Variants in FOXP2 observed in about 807,000 individuals in gnomAD.
FOXP2 encodes forkhead box protein P2.
In FOXP2, 12 loss-of-function variants were observed where a neutral mutation model predicts 115.8. The observed-to-expected ratio is 0.10, with a 90% CI of 0.07 to 0.17. The LOEUF is 0.17. FOXP2 is among the 10% of genes least tolerant of loss of function. The probability of loss-of-function intolerance (pLI) is 1.00; values close to 1 mark genes in which losing one functional copy is unlikely to be tolerated. For missense variants in FOXP2, 629 were observed against 843.5 expected (o/e 0.75, Z 3.15); for synonymous variants, 328 against 297.7 (o/e 1.10, Z -1.05).
At chr7:114,650,028 G>T (rs888214972) in intron 8 of FOXP2, among the ~76,000 whole-genome samples, 1 of 152,178 alleles carries the variant, frequency 6.6e-6, no homozygotes, top group East Asian at 1.9e-4. Flanking sequence ...TAATGGCAAG[G>T]TTCTTTTGTG....
intron 3 of FOXP2, among the ~76,000 whole-genome samples, chr7:114,574,864 T>C (rs770137710): frequency 1.3e-4 from 20 of 151,862 alleles, no homozygotes; most frequent in Non-Finnish European, 2.7e-4. Context: ...AATCTGAAAA[T>C]GAAACTTGCC....
At chr7:114,657,797 T>C (rs1305475647) in intron 10 of FOXP2, among the ~76,000 whole-genome samples, 3 of 152,318 alleles carry the variant, frequency 2.0e-5, no homozygotes, top group African/African-American at 2.4e-5. Flanking sequence ...TTTAAGGAAA[T>C]AGACTTTCGC....
chr7:114,444,881 C>G (rs898354017), intron 2 of FOXP2, among the ~76,000 whole-genome samples: 4 of 151,404 alleles, frequency 2.6e-5, no homozygotes, highest in Non-Finnish European at 5.9e-5. Flanking sequence ...TCTGGGTAAC[C>G]AAGCTAGGGG....
chr7:114,148,371 C>G (rs866564823), intron 1 of FOXP2, among the ~76,000 whole-genome samples: 2 of 152,038 alleles, frequency 1.3e-5, no homozygotes, highest in South Asian at 4.1e-4. Context: ...TCCTTAATTT[C>G]TGTAATACTC....
intron 3 of FOXP2, among the ~76,000 whole-genome samples, chr7:114,590,709 G>C (rs1373922633): frequency 3.9e-5 from 6 of 152,102 alleles, no homozygotes; most frequent in Non-Finnish European, 8.8e-5. Context: ...TATATTGTAA[G>C]GGCTAGTATT....
intron 1 of FOXP2, among the ~76,000 whole-genome samples, chr7:114,207,852 A>C (rs1415103601): frequency 6.6e-6 from 1 of 152,192 alleles, no homozygotes; most frequent in Non-Finnish European, 1.5e-5. Flanking sequence ...GCTTTATTTG[A>C]ATGCCATGAT....
intron 1 of FOXP2, among the ~76,000 whole-genome samples, chr7:114,248,529 T>C (rs561509126): frequency 1.3e-5 from 2 of 152,362 alleles, no homozygotes; most frequent in Admixed American, 1.3e-4. Flanking sequence ...AAAATTTGAC[T>C]TGTGCCATTT....
chr7:114,624,527 G>A (rs1206659741), intron 3 of FOXP2, among the ~76,000 whole-genome samples: 1 of 151,878 alleles, frequency 6.6e-6, no homozygotes, highest in African/African-American at 2.4e-5. Context: ...TAATTGGGAT[G>A]TTTAATTAAG....
chr7:114,236,357 A>G (rs953538441), intron 1 of FOXP2, among the ~76,000 whole-genome samples: 1 of 152,214 alleles, frequency 6.6e-6, no homozygotes, highest in Admixed American at 6.5e-5. Flanking sequence ...ATATTCATTT[A>G]TAATAGTGGA....
chr7:114,263,422 C>CCCTTTCCTTT (rs545404007), intron 1 of FOXP2, among the ~76,000 whole-genome samples: 144 of 147,050 alleles, frequency 9.8e-4, no homozygotes, highest in African/African-American at 3.4e-3. Flanking sequence ...TTTTCCCTTT[C>CCCTTTCCTTT]CCTTTCCTTT....
chr7:114,201,408 G>A lies in FOXP2; in HGVS notation c.-102+38320G>A, dbSNP rs1401741919. On this transcript the variant is annotated intron_variant, in intron 1 of 17. Coordinates refer to the FOXP2 transcript ENST00000634411. ...GCCCAGAAGTTGGAGGCTTCAGTGAGCTATGTTCATTCCACAACATCCCTG... is the reference window on the plus strand; with the variant it reads ...GCCCAGAAGTTGGAGGCTTCAGTGAACTATGTTCATTCCACAACATCCCTG... Among the ~76,000 whole-genome samples the A allele has an allele frequency of 2.6e-5, 4 of 152,090 alleles. No individual in the cohort carries two copies. In the East Asian group the frequency reaches 7.7e-4, roughly 29 times the overall value.
chr7:114,221,534 A>G (rs1400171187), intron 1 of FOXP2, among the ~76,000 whole-genome samples: 2 of 152,112 alleles, frequency 1.3e-5, no homozygotes, highest in Non-Finnish European at 2.9e-5. Flanking sequence ...TTCCATGTGT[A>G]TCTTCCTATT....
intron 1 of FOXP2, among the ~76,000 whole-genome samples, chr7:114,190,299 A>G (rs921525900): frequency 6.6e-6 from 1 of 152,120 alleles, no homozygotes; most frequent in Non-Finnish European, 1.5e-5. Context: ...AAGGAAGATG[A>G]CCTTCACCGT....
chr7:114,098,316 T>C (rs1799697249), intron 1 of FOXP2, among the ~76,000 whole-genome samples: 1 of 152,204 alleles, frequency 6.6e-6, no homozygotes, highest in Admixed American at 6.5e-5. Context: ...TCACATTTCC[T>C]GATTTAAAAT....
chr7:114,421,265 T>G (rs1271367979), intron 1 of FOXP2, among the ~76,000 whole-genome samples: 4 of 151,634 alleles, frequency 2.6e-5, no homozygotes, highest in Non-Finnish European at 4.4e-5. Flanking sequence ...TTATTTTTTA[T>G]CCAGGAGCAA....
chr7:114,554,772 T>G (rs1466323924), intron 3 of FOXP2, among the ~76,000 whole-genome samples: 1 of 152,230 alleles, frequency 6.6e-6, no homozygotes, highest in Non-Finnish European at 1.5e-5. Context: ...AATACTAATT[T>G]TTTTTCATAG....
intron 2 of FOXP2, among the ~76,000 whole-genome samples, chr7:114,320,878 G>C (rs1337257301): frequency 2.0e-5 from 3 of 152,188 alleles, no homozygotes; most frequent in Non-Finnish European, 1.5e-5. Context: ...AAAGGAGGAA[G>C]GGCAAGCCCT....
chr7:114,530,174 T>G (rs1427381646), intron 2 of FOXP2, among the ~76,000 whole-genome samples: 6 of 151,862 alleles, frequency 4.0e-5, no homozygotes, highest in African/African-American at 1.4e-4. Context: ...AATCGTTTCT[T>G]GTATCATATT....
intron 16 of FOXP2, among the ~76,000 whole-genome samples, chr7:114,677,300 G>C (rs1236502035): frequency 6.6e-6 from 1 of 152,066 alleles, no homozygotes; most frequent in Non-Finnish European, 1.5e-5. Flanking sequence ...TCTCTCATAA[G>C]TGATGACAGT....
Sources: allele counts gnomAD v4.1 joint callset (sites outside exome capture counted in the v4.1 genomes callset), GRCh38; gene constraint gnomAD v4.1.1; transcripts MANE v1.5; gene names NCBI Gene and HGNC (gene_info 2026-07-23, HGNC 2026-07-21).